The following NRXN3 variants were observed in gnomAD, a reference collection of about 807,000 sequenced individuals.
The protein encoded by NRXN3 is neurexin 3.
Under a neutral mutation model 137.6 loss-of-function variants are expected in NRXN3, and 32 were observed. That is an observed-to-expected ratio of 0.23 (90% CI 0.18 to 0.31). The LOEUF is 0.31. NRXN3 is among the 10% of genes least tolerant of loss of function. The probability of loss-of-function intolerance (pLI) is 1.00; values close to 1 mark genes in which losing one functional copy is unlikely to be tolerated. For synonymous variants in NRXN3, 798 were observed against 784.5 expected, an observed-to-expected ratio of 1.02 and a Z score of -0.29; for missense variants, 1,574 against 2,062.5, an observed-to-expected ratio of 0.76 and a Z score of 4.59.
At chr14:78,429,326 G>T (rs1021784077) in intron 4 of NRXN3, among the ~76,000 whole-genome samples, 1 of 151,978 alleles carries the variant, frequency 6.6e-6, no homozygotes, top group African/African-American at 2.4e-5. Context: ...CAATCCACCC[G>T]CCTCGGCCTC....
intron 16 of NRXN3, among the ~76,000 whole-genome samples, chr14:79,650,107 G>C (rs1260010968): frequency 6.6e-6 from 1 of 151,638 alleles, no homozygotes; most frequent in Admixed American, 6.6e-5. Flanking sequence ...GCTGCAGATT[G>C]CTTGCTTGCT....
chr14:79,179,517 C>G (rs1451209723), intron 15 of NRXN3, among the ~76,000 whole-genome samples: 1 of 152,194 alleles, frequency 6.6e-6, no homozygotes, highest in Non-Finnish European at 1.5e-5. Context: ...CCACCTCAAA[C>G]CTGCTGAGTC....
At chr14:78,171,219 C>CTTTTTTTTTTTT (rs144839930) in intron 1 of NRXN3, among the ~76,000 whole-genome samples, 1 of 121,420 alleles carries the variant, frequency 8.2e-6, no homozygotes. Context: ...TGTGTGTGTG[C>CTTTTTTTTTTTT]TTTTTTTTTT....
At chr14:79,806,963 T>TATATATATATATATATATA (rs59533138) in intron 20 of NRXN3, among the ~76,000 whole-genome samples, 2 of 19,634 alleles carry the variant, frequency 1.0e-4, no homozygotes, top group African/African-American at 2.2e-4. Context: ...TATATATATA[T>TATATATATATATATATATA]TTTTTTTTTT....
chr14:78,895,660 A>G (rs1050535735), intron 10 of NRXN3, among the ~76,000 whole-genome samples: 2 of 151,958 alleles, frequency 1.3e-5, no homozygotes, highest in African/African-American at 4.8e-5. Flanking sequence ...ATCTCAGCCT[A>G]TCTCAGTTTT....
chr14:78,903,166 T>TTTTTTTGG (rs2099202979), intron 10 of NRXN3, among the ~76,000 whole-genome samples: 1 of 150,344 alleles, frequency 6.7e-6, no homozygotes. Context: ...TTTTTTTTTC[T>TTTTTTTGG]GAGACAGAGT....
At chr14:79,045,058 C>T (rs1402327497) in intron 15 of NRXN3, among the ~76,000 whole-genome samples, 2 of 152,260 alleles carry the variant, frequency 1.3e-5, no homozygotes, top group East Asian at 3.9e-4. Flanking sequence ...AAACAACTTT[C>T]TCTTGGCCAG....
At chr14:78,331,568 C>T (rs1365075178) in intron 4 of NRXN3, among the ~76,000 whole-genome samples, 1 of 152,162 alleles carries the variant, frequency 6.6e-6, no homozygotes, top group Non-Finnish European at 1.5e-5. Flanking sequence ...TTTGAAACAG[C>T]TTTATTCCCA....
intron 1 of NRXN3, among the ~76,000 whole-genome samples, chr14:78,223,592 G>A (rs972135958): frequency 3.3e-5 from 5 of 152,206 alleles, no homozygotes; most frequent in Non-Finnish European, 5.9e-5. Flanking sequence ...GGAGGTGGAT[G>A]TTCAGGTTTC....
Position 79,352,330 on chromosome 14 carries a change from A to C in NRXN3, c.3263-114891A>C, listed in dbSNP as rs572800594. ...AGCTAAATGTTATGTTCTTTCATCC[A>C]GTTATTTTGTGTTCTGTTAGACAGA... On this transcript the variant is annotated intron_variant, in intron 15 of 20. Coordinates refer to ENST00000335750, the MANE Select transcript of NRXN3 (RefSeq NM_001330195.2). Among the ~76,000 whole-genome samples, 3 of 152,226 alleles carry C rather than the reference A, an allele frequency of 2.0e-5. No individual in the cohort carries two copies. In the South Asian group the frequency reaches 6.2e-4, roughly 32 times the overall value.
intron 16 of NRXN3, among the ~76,000 whole-genome samples, chr14:79,559,390 A>G (rs531794840): frequency 5.9e-5 from 9 of 152,166 alleles, no homozygotes; most frequent in Admixed American, 3.9e-4. Context: ...CCTACATTCA[A>G]TATTGTTGTG....
At chr14:79,024,385 A>G (rs2099594828) in intron 15 of NRXN3, among the ~76,000 whole-genome samples, 1 of 152,172 alleles carries the variant, frequency 6.6e-6, no homozygotes, top group African/African-American at 2.4e-5. Flanking sequence ...TTTTTAAATA[A>G]ATAAAATAAA....
At chr14:78,279,397 AGT>A (rs1230246905) in intron 3 of NRXN3, among the ~76,000 whole-genome samples, 3 of 152,264 alleles carry the variant, frequency 2.0e-5, no homozygotes, top group Non-Finnish European at 4.4e-5. Context: ...TTTATGGATA[AGT>A]GTCAGATGAC....
chr14:78,843,806 G>A (rs952456908), intron 10 of NRXN3, among the ~76,000 whole-genome samples: 3 of 152,076 alleles, frequency 2.0e-5, no homozygotes, highest in Admixed American at 6.6e-5. Context: ...ATAGGCTGAA[G>A]GACCTAGATT....
intron 15 of NRXN3, among the ~76,000 whole-genome samples, chr14:79,129,439 A>T (rs1245451624): frequency 6.6e-6 from 1 of 150,612 alleles, no homozygotes; most frequent in Non-Finnish European, 1.5e-5. Flanking sequence ...TTATGTACCC[A>T]GTAGTCATTC....
At chr14:79,211,100 T>C (rs2153225353) in intron 15 of NRXN3, among the ~76,000 whole-genome samples, 1 of 152,292 alleles carries the variant, frequency 6.6e-6, no homozygotes, top group South Asian at 2.1e-4. Context: ...CAGTTGTCAA[T>C]GGTCCAGGTT....
At chr14:79,267,189 G>A (rs1448515303) in intron 15 of NRXN3, among the ~76,000 whole-genome samples, 3 of 152,086 alleles carry the variant, frequency 2.0e-5, no homozygotes, top group Admixed American at 1.3e-4. Context: ...AACAAAAGGA[G>A]AGAAAGAGAG....
intron 4 of NRXN3, among the ~76,000 whole-genome samples, chr14:78,526,251 G>A (rs1370587518): frequency 6.6e-6 from 1 of 152,202 alleles, no homozygotes; most frequent in Non-Finnish European, 1.5e-5. Context: ...AGGCCATTGT[G>A]GACATCTGCC....
intron 15 of NRXN3, among the ~76,000 whole-genome samples, chr14:79,361,808 A>G (rs73325790): frequency 0.023 from 3,504 of 152,150 alleles, 133 homozygotes; most frequent in African/African-American, 0.08. Flanking sequence ...TAAGGGAACA[A>G]TGTGTTTTTA....
Sources: allele counts gnomAD v4.1 joint callset (sites outside exome capture counted in the v4.1 genomes callset), GRCh38; gene constraint gnomAD v4.1.1; transcripts MANE v1.5; gene names NCBI Gene and HGNC (gene_info 2026-07-23, HGNC 2026-07-21).